The following DAW1 variants were observed in gnomAD, a reference collection of about 807,000 sequenced individuals.
DAW1 encodes the protein dynein assembly factor with WD repeat domains 1.
In DAW1, 47 loss-of-function variants were observed where a neutral mutation model predicts 56.5. That is an observed-to-expected ratio of 0.83 (90% CI 0.66 to 1.06). The LOEUF is 1.06. Ranked by LOEUF, DAW1 falls within the 50% of genes least tolerant of loss-of-function variation. The probability of loss-of-function intolerance (pLI) is 0.00; values close to 1 mark genes in which losing one functional copy is unlikely to be tolerated. For synonymous variants in DAW1, 190 were observed against 179.0 expected (o/e 1.06, Z -0.49); for missense variants, 505 against 499.3 (o/e 1.01, Z -0.11).
At chr2:227,911,456 A>G (rs1691826298) in intron 10 of DAW1, among the ~76,000 whole-genome samples, 1 of 151,488 alleles carries the variant, frequency 6.6e-6, no homozygotes, top group South Asian at 2.1e-4. Flanking sequence ...ACAATTCAGC[A>G]TATAATAGCA....
At chr2:227,907,334 C>A (rs910652691) in intron 10 of DAW1, 82 bp downstream of exon 10, 6 of 1,107,918 alleles carry the variant, frequency 5.4e-6, no homozygotes, top group African/African-American at 1.6e-5. Flanking sequence ...CACTATGGGT[C>A]ATTTCTTTGA....
chr2:227,882,537 G>A (rs552835113), intron 1 of DAW1, among the ~76,000 whole-genome samples: 22 of 152,358 alleles, frequency 1.4e-4, no homozygotes, highest in African/African-American at 5.3e-4. Context: ...ACATAGGAGT[G>A]CATGTATTTT....
intron 5 of DAW1, among the ~76,000 whole-genome samples, chr2:227,897,093 GA>G (rs200209188): frequency 0.28 from 26,249 of 92,548 alleles, 2,267 homozygotes; most frequent in East Asian, 0.43. Context: ...CTCAAAAAAA[GA>G]AAAAAAAAAA....
Position 227,876,318 on chromosome 2 carries a change from C to G in DAW1, c.40+4589C>G, listed in dbSNP as rs905538559. On this transcript the variant is annotated intron_variant, in intron 1 of 12. Transcript: ENST00000309931. The stretch of plus-strand genomic sequence containing the variant: ...GACAGGCGTGAGCCACTGTGCCCGG[C>G]CAAGCCTAGGATTCTTAGGCTCACG... 3 of 808,908 alleles carry G rather than the reference C, an allele frequency of 3.7e-6. No individual in the cohort carries two copies. In the African/African-American group the frequency reaches 5.4e-5, roughly 15 times the overall value. The allele number at this position is 808,908 out of a possible 1,614,324, so 50.1% of individuals were successfully genotyped here.
In DAW1 at chr2:227,906,353, T is replaced by TA; in HGVS notation, c.858+18dup. On this transcript the variant is annotated intron_variant, in intron 9 of 12. Transcript: ENST00000309931. ...AAACCTGCAAGGTGAGCAAAATAAA[T>TA]AAATATCTTTGCTTTATATTGTGTC... is the stretch of plus-strand genomic sequence containing the variant. The TA allele has an allele frequency of 1.3e-6, 2 of 1,580,156 alleles. No individual in the cohort carries two copies. Among genetic ancestry groups the TA allele is most frequent in the Non-Finnish European group, 8.7e-7 (1 of 1,152,806 alleles).
In DAW1 at chr2:227,893,804, A is replaced by T; in HGVS notation, c.327A>T (p.Thr109=). 15 of 1,611,930 alleles carry T rather than the reference A, an allele frequency of 9.3e-6. No individual in the cohort carries two copies. The highest frequency in any genetic ancestry group is 1.3e-5 in the Non-Finnish European group (15 of 1,179,270). Residue 109 remains threonine, a synonymous_variant, in exon 5 of 13, where the codon ACA becomes ACT. Transcript: ENST00000309931. ...ATATTCCTTGTGTTAGCTTTATCAC[A>T]GGAAGCTATGATCGGACGTGCAAGC... ...ALNKSGSCFI[T]GSYDRTCKLW...
intron 7 of DAW1, 121 bp downstream of exon 7, chr2:227,903,230 G>A: frequency 1.0e-6 from 1 of 993,828 alleles, no homozygotes. Context: ...AGTGGTGAAA[G>A]AGTGTCCCTA....
chr2:227,902,966 G>A, intron 6 of DAW1, 36 bp from the exon 7 acceptor site: 1 of 1,594,104 alleles, frequency 6.3e-7, no homozygotes, highest in Non-Finnish European at 8.6e-7. Flanking sequence ...TTGAAACTCT[G>A]TCTTCCTAAA....
chr2:227,889,929 G>A lies in DAW1; in HGVS notation c.187G>A (p.Val63Ile), dbSNP rs1275966362. The change falls in exon 3 of 13, where the codon GTC (valine) becomes ATC (isoleucine). Residue 63 changes from valine to isoleucine, a missense_variant. By Grantham distance (29) the Val-to-Ile change is conservative (BLOSUM62 3). Coordinates refer to ENST00000309931, the MANE Select transcript of DAW1 (RefSeq NM_178821.3). ...ACTCACAGCTTCACGAACAGAGCAAGTCAAACTTTTGATACAGAGGTTGCA... is the reference window on the plus strand; with the variant it reads ...ACTCACAGCTTCACGAACAGAGCAAATCAAACTTTTGATACAGAGGTTGCA... ...PLLTASRTEQ[V>I]KLLIQRLQEK... The A allele has an allele frequency of 6.2e-7, 1 of 1,609,648 alleles. No individual in the cohort carries two copies. The highest frequency in any genetic ancestry group is 1.1e-5 in the South Asian group (1 of 90,184).
intron 7 of DAW1, 146 bp downstream of exon 7, chr2:227,903,255 A>G (rs1449025478): frequency 3.7e-6 from 3 of 812,804 alleles, no homozygotes; most frequent in Non-Finnish European, 5.8e-6. Context: ...TTTCCTGGCT[A>G]TTCCAAAAGA....
At chr2:227,900,243 A>G (rs142520787) in intron 6 of DAW1, among the ~76,000 whole-genome samples, 320 of 152,302 alleles carry the variant, frequency 2.1e-3, no homozygotes, top group African/African-American at 7.2e-3. Flanking sequence ...GTCAAAGAAA[A>G]ACATAATGTG....
chr2:227,893,917 G>A lies in DAW1; in HGVS notation c.440G>A (p.Gly147Asp). The change falls in exon 5 of 13, where the codon GGT (glycine) becomes GAT (aspartate). Residue 147 changes from glycine to aspartate, a missense_variant and splice_region_variant. Coordinates refer to ENST00000309931, the MANE Select transcript of DAW1 (RefSeq NM_178821.3). ...VYAIAFNNPY[G>D]DKIATGSFDK... is the part of the protein sequence containing the mutation. The stretch of plus-strand genomic sequence containing the variant: ...GCCATAGCATTCAACAATCCTTACG[G>A]GTGTGTTCATCCCTTCACTTATTTG... The A allele has an allele frequency of 6.3e-7, 1 of 1,595,530 alleles. No homozygotes were observed. The highest frequency in any genetic ancestry group is 8.5e-7 in the Non-Finnish European group (1 of 1,173,072).
chr2:227,879,332 G>A (rs551823686), intron 1 of DAW1, among the ~76,000 whole-genome samples: 1 of 152,036 alleles, frequency 6.6e-6, no homozygotes, highest in Non-Finnish European at 1.5e-5. Flanking sequence ...TGAAGTTAGG[G>A]ACTTTTTGTT....
intron 5 of DAW1, among the ~76,000 whole-genome samples, chr2:227,897,137 G>A (rs1281862771): frequency 1.3e-5 from 2 of 150,430 alleles, no homozygotes; most frequent in Admixed American, 6.6e-5. Context: ...CTTATCTTGA[G>A]CACGTATTGG....
chr2:227,878,078 T>C (rs1381192033), intron 1 of DAW1, among the ~76,000 whole-genome samples: 1 of 152,268 alleles, frequency 6.6e-6, no homozygotes, highest in South Asian at 2.1e-4. Context: ...TTAACTTATT[T>C]GCTAAAATGT....
chr2:227,918,675 A>C, intron 10 of DAW1, 105 bp from the exon 11 acceptor site: 3 of 1,225,622 alleles, frequency 2.4e-6, no homozygotes, highest in African/African-American at 1.5e-5. Flanking sequence ...AACTTAGCAC[A>C]GAGCTCGTGT....
intron 10 of DAW1, among the ~76,000 whole-genome samples, chr2:227,908,917 C>T (rs948176081): frequency 1.1e-4 from 16 of 152,150 alleles, no homozygotes; most frequent in African/African-American, 3.6e-4. Context: ...TACATCGATA[C>T]CATCTACCTG....
intron 1 of DAW1, chr2:227,872,069 A>T (rs903921436): frequency 6.5e-6 from 2 of 306,354 alleles, no homozygotes; most frequent in African/African-American, 4.3e-5. Flanking sequence ...TGAAGTAATT[A>T]TGAAATAAAT....
At chr2:227,872,431 T>A (rs1054841118) in intron 1 of DAW1, 1 of 152,186 alleles carries the variant, frequency 6.6e-6, no homozygotes, top group Non-Finnish European at 1.5e-5. Context: ...TTGTTAAGAA[T>A]AGCTTTATGA....
Sources: gnomAD v4.1 joint callset for allele counts (sites outside exome capture counted in the v4.1 genomes callset) on GRCh38, gnomAD v4.1.1 for gene constraint, MANE v1.5 for transcripts, NCBI Gene and HGNC (gene_info 2026-07-23, HGNC 2026-07-21) for gene names.